Variants in SNTG1 observed in about 807,000 individuals in gnomAD.
SNTG1 encodes syntrophin gamma 1, also known as gamma-1-syntrophin.
In SNTG1, 39 loss-of-function variants were observed where a neutral mutation model predicts 74.7. That is an observed-to-expected ratio of 0.52 (90% confidence interval 0.40 to 0.68). SNTG1 has a LOEUF of 0.68. Ranked by LOEUF, SNTG1 falls within the 30% of genes least tolerant of loss-of-function variation. SNTG1 has a pLI of 0.00. For missense variants in SNTG1, 685 were observed against 609.5 expected (o/e 1.12, Z -1.30); for synonymous variants, 254 against 217.1 (o/e 1.17, Z -1.49).
chr8:50,338,249 TC>T (rs1475269223), intron 2 of SNTG1, among the ~76,000 whole-genome samples: 1 of 152,084 alleles, frequency 6.6e-6, no homozygotes, highest in Admixed American at 6.5e-5. Flanking sequence ...AATGGAAACT[TC>T]CGGCATCTAC....
intron 18 of SNTG1, among the ~76,000 whole-genome samples, chr8:50,756,150 G>A (rs1361797547): frequency 6.6e-6 from 1 of 151,680 alleles, no homozygotes; most frequent in African/African-American, 2.4e-5. Flanking sequence ...ATTTTCCTTA[G>A]CATCTTTTAT....
At chr8:50,287,606 T>C (rs1251418647) in intron 2 of SNTG1, among the ~76,000 whole-genome samples, 3 of 152,176 alleles carry the variant, frequency 2.0e-5, no homozygotes, top group Admixed American at 2.0e-4. Flanking sequence ...GGTTATCTCC[T>C]TTCTGCTTCA....
chr8:50,695,672 G>A (rs1377779264), intron 15 of SNTG1, among the ~76,000 whole-genome samples: 1 of 151,422 alleles, frequency 6.6e-6, no homozygotes, highest in African/African-American at 2.4e-5. Context: ...CATTCTATAT[G>A]TCCAGGCTTA....
intron 2 of SNTG1, among the ~76,000 whole-genome samples, chr8:50,363,308 T>C (rs1404412931): frequency 6.6e-6 from 1 of 152,168 alleles, no homozygotes; most frequent in Non-Finnish European, 1.5e-5. Flanking sequence ...TCCATAACTC[T>C]TTTTTTGATA....
At chr8:49,992,410 G>T (rs1248032128) in intron 1 of SNTG1, among the ~76,000 whole-genome samples, 2 of 152,166 alleles carry the variant, frequency 1.3e-5, no homozygotes, top group African/African-American at 4.8e-5. Context: ...ATTAGGATTT[G>T]ATATATTTCT....
At chr8:50,577,837 G>A (rs557910858) in intron 12 of SNTG1, among the ~76,000 whole-genome samples, 3 of 152,248 alleles carry the variant, frequency 2.0e-5, no homozygotes, top group African/African-American at 4.8e-5. Flanking sequence ...AAGATGTTGA[G>A]ATTATACAAA....
intron 2 of SNTG1, among the ~76,000 whole-genome samples, chr8:50,178,420 C>A (rs911045339): frequency 6.6e-6 from 1 of 151,752 alleles, no homozygotes; most frequent in Non-Finnish European, 1.5e-5. Flanking sequence ...CACACACACA[C>A]ACACACAGGG....
At chr8:50,752,832 C>A (rs2095571092) in intron 18 of SNTG1, among the ~76,000 whole-genome samples, 3 of 151,936 alleles carry the variant, frequency 2.0e-5, no homozygotes, top group Admixed American at 2.0e-4. Flanking sequence ...AGATTAGACA[C>A]TCTCCTTCTT....
At chr8:49,993,903 A>G (rs2130351404) in intron 1 of SNTG1, among the ~76,000 whole-genome samples, 1 of 152,300 alleles carries the variant, frequency 6.6e-6, no homozygotes, top group African/African-American at 2.4e-5. Context: ...GAAACATTAG[A>G]ACCATTATAT....
intron 4 of SNTG1, among the ~76,000 whole-genome samples, chr8:50,414,635 T>C (rs1217712690): frequency 6.6e-6 from 1 of 152,148 alleles, no homozygotes; most frequent in Non-Finnish European, 1.5e-5. Context: ...CGTTTGACAT[T>C]ATTTTTATTT....
chr8:50,232,005 A>G (rs1430165232), intron 2 of SNTG1, among the ~76,000 whole-genome samples: 1 of 151,416 alleles, frequency 6.6e-6, no homozygotes, highest in South Asian at 2.1e-4. Flanking sequence ...TTATCAAAAT[A>G]TTAAAAAATG....
chr8:50,373,421 T>A (rs1210655331), intron 2 of SNTG1, among the ~76,000 whole-genome samples: 1 of 152,172 alleles, frequency 6.6e-6, no homozygotes, highest in Non-Finnish European at 1.5e-5. Flanking sequence ...ATTTTTCAAG[T>A]GTGACAAGAG....
chr8:50,069,985 G>C (rs1212988786), intron 1 of SNTG1, among the ~76,000 whole-genome samples: 1 of 152,016 alleles, frequency 6.6e-6, no homozygotes, highest in African/African-American at 2.4e-5. Flanking sequence ...GTTCTTGTCA[G>C]TTTCTTGTCT....
At chr8:49,931,597 C>G (rs1256603058) in intron 1 of SNTG1, among the ~76,000 whole-genome samples, 1 of 151,994 alleles carries the variant, frequency 6.6e-6, no homozygotes, top group East Asian at 1.9e-4. Context: ...ACCTAGAAGT[C>G]TATGAAAAAA....
chr8:50,215,782 G>A (rs2084762128), intron 2 of SNTG1, among the ~76,000 whole-genome samples: 2 of 152,026 alleles, frequency 1.3e-5, no homozygotes, highest in East Asian at 1.9e-4. Flanking sequence ...TTTTCAGAAG[G>A]AGATTATGAA....
chr8:50,389,971 T>A (rs1325134449), intron 2 of SNTG1, among the ~76,000 whole-genome samples: 12 of 152,322 alleles, frequency 7.9e-5, no homozygotes, highest in African/African-American at 2.6e-4. Flanking sequence ...TCTTTGTAGG[T>A]TCTGGATATT....
intron 8 of SNTG1, among the ~76,000 whole-genome samples, chr8:50,498,062 G>A (rs1483124929): frequency 1.3e-5 from 2 of 151,586 alleles, no homozygotes; most frequent in Non-Finnish European, 1.5e-5. Flanking sequence ...AAATACAGCT[G>A]CTATGAATAT....
At chr8:50,098,942 T>C (rs2080028601) in intron 1 of SNTG1, among the ~76,000 whole-genome samples, 1 of 152,134 alleles carries the variant, frequency 6.6e-6, no homozygotes, top group Admixed American at 6.6e-5. Context: ...ATTGTTCTTC[T>C]GTAGGAGGTA....
intron 2 of SNTG1, among the ~76,000 whole-genome samples, chr8:50,250,125 A>T (rs576401180): frequency 6.6e-6 from 1 of 152,132 alleles, no homozygotes; most frequent in South Asian, 2.1e-4. Context: ...AGAGATAGAT[A>T]CTATAAAAAA....
Sources: allele counts gnomAD v4.1 joint callset (sites outside exome capture counted in the v4.1 genomes callset), GRCh38; gene constraint gnomAD v4.1.1; transcripts MANE v1.5; gene names NCBI Gene and HGNC (gene_info 2026-07-23, HGNC 2026-07-21).